CGNL1: variants seen among roughly 807,000 people sequenced by gnomAD.
CGNL1 encodes cingulin like 1.
CGNL1 carries 132 observed loss-of-function variants against 141.2 expected under a neutral mutation model. That is an observed-to-expected ratio of 0.93 (90% CI 0.81 to 1.08). The LOEUF is 1.08. Among genes scored for constraint, CGNL1 ranks in the 50% least tolerant of loss-of-function variants. The probability of loss-of-function intolerance (pLI) is 0.00; values close to 1 mark genes in which losing one functional copy is unlikely to be tolerated. For missense variants in CGNL1, 1,870 were observed against 1,588.6 expected, an observed-to-expected ratio of 1.18 and a Z score of -3.01; for synonymous variants, 690 against 622.1, an observed-to-expected ratio of 1.11 and a Z score of -1.63.
chr15:57,406,247 C>A (rs1175398887), intron 1 of CGNL1, among the ~76,000 whole-genome samples: 1 of 152,140 alleles, frequency 6.6e-6, no homozygotes, highest in Non-Finnish European at 1.5e-5. Flanking sequence ...TCAGGGCTGC[C>A]TGGGGGAAGG....
At chr15:57,529,991 G>T (rs923051197) in intron 13 of CGNL1, among the ~76,000 whole-genome samples, 2 of 152,180 alleles carry the variant, frequency 1.3e-5, no homozygotes, top group East Asian at 3.9e-4. Flanking sequence ...TTTAGGGGAG[G>T]TAATTCTAAG....
chr15:57,429,861 A>G (rs139993220), intron 1 of CGNL1, among the ~76,000 whole-genome samples: 1,638 of 152,228 alleles, frequency 0.011, 18 homozygotes, highest in Middle Eastern at 0.024. Context: ...CCAGGCTGGC[A>G]TGGGGTGGCA....
At chr15:57,525,730 T>C (rs1475731339) in intron 12 of CGNL1, among the ~76,000 whole-genome samples, 1 of 152,138 alleles carries the variant, frequency 6.6e-6, no homozygotes, top group African/African-American at 2.4e-5. Context: ...GAGTCAGTGC[T>C]GAAACTGTGT....
intron 1 of CGNL1, among the ~76,000 whole-genome samples, chr15:57,416,934 A>G (rs1443603738): frequency 1.3e-5 from 2 of 151,620 alleles, no homozygotes; most frequent in Non-Finnish European, 1.5e-5. Context: ...GTATAGCTGA[A>G]CTCTGGAGTC....
intron 14 of CGNL1, among the ~76,000 whole-genome samples, chr15:57,537,256 A>C (rs1458258529): frequency 6.6e-6 from 1 of 152,192 alleles, no homozygotes; most frequent in African/African-American, 2.4e-5. Flanking sequence ...TGGTCTCTCC[A>C]GGGACTGAGC....
intron 2 of CGNL1, 130 bp downstream of exon 2, chr15:57,439,731 C>T: frequency 2.1e-6 from 2 of 946,276 alleles, no homozygotes; most frequent in Non-Finnish European, 3.2e-6. Flanking sequence ...CACAGCTGAT[C>T]TGTTTCAGGA....
intron 1 of CGNL1, among the ~76,000 whole-genome samples, chr15:57,409,046 C>T (rs2062756249): frequency 6.6e-6 from 1 of 150,764 alleles, no homozygotes; most frequent in South Asian, 2.2e-4. Flanking sequence ...GTCACACACA[C>T]ACACACACAC....
At chr15:57,461,529 G>C in intron 7 of CGNL1, 151 bp from the exon 8 acceptor site, 1 of 684,762 alleles carries the variant, frequency 1.5e-6, no homozygotes, top group Non-Finnish European at 2.6e-6. Flanking sequence ...AGGAAGAAAT[G>C]GTCTAAACAG....
At chr15:57,489,107 C>T (rs1763554779) in intron 8 of CGNL1, among the ~76,000 whole-genome samples, 2 of 152,134 alleles carry the variant, frequency 1.3e-5, no homozygotes, top group South Asian at 4.2e-4. Flanking sequence ...ACTAAAGTAT[C>T]CAAAGTTATG....
intron 8 of CGNL1, among the ~76,000 whole-genome samples, chr15:57,498,016 C>T (rs962482665): frequency 6.6e-6 from 1 of 152,096 alleles, no homozygotes; most frequent in Admixed American, 6.6e-5. Flanking sequence ...TCCACAGGTA[C>T]CACACTGTGG....
rs1392234600 is a variant in CGNL1 at position 57,398,024 on chromosome 15, G to A, written c.-16+21457G>A. Among the ~76,000 whole-genome samples the A allele has an allele frequency of 2.6e-5, 4 of 152,002 alleles. No homozygotes were observed. In the East Asian group the frequency reaches 5.8e-4, roughly 22 times the overall value. ...TCTTGAACTCCTGACCTCGAGATGC[G>A]CCTGCCTCAGCTTCCCAAAGTGCTG... On this transcript the variant is annotated intron_variant, in intron 1 of 18. Coordinates refer to ENST00000281282, the MANE Select transcript of CGNL1 (RefSeq NM_032866.5).
chr15:57,442,464 C>T lies in CGNL1; in HGVS notation c.1789C>T (p.Gln597Ter), dbSNP rs2063202177. 1.2e-6 allele frequency: 2 copies of T among 1,608,162 alleles called. No individual in the cohort carries two copies. The highest frequency in any genetic ancestry group is 1.1e-5 in the South Asian group (1 of 90,886). The change falls in exon 4 of 19, where the codon CAA becomes TAA. Residue 597 changes from glutamine to a stop codon, truncating the protein, a stop_gained. Coordinates refer to ENST00000281282, the MANE Select transcript of CGNL1 (RefSeq NM_032866.5). LOFTEE classifies it high-confidence loss of function. ...TLKSRAAGSA[Q>*]GNNQACNSTS... ...AAAGTCTCGAGCAGCTGGGAGCGCCCAAGGAAATAACCAAGTAAATGGAAG... is the reference window on the plus strand; with the variant it reads ...AAAGTCTCGAGCAGCTGGGAGCGCCTAAGGAAATAACCAAGTAAATGGAAG...
intron 12 of CGNL1, 24 bp from the exon 13 acceptor site, chr15:57,528,630 C>A (rs764050025): frequency 1.9e-5 from 31 of 1,612,584 alleles, no homozygotes; most frequent in Non-Finnish European, 9.3e-6. Flanking sequence ...CCCAGAAAAC[C>A]ATCCCAGCTG....
chr15:57,540,853 G>T (rs943040651), intron 14 of CGNL1, among the ~76,000 whole-genome samples: 1 of 152,230 alleles, frequency 6.6e-6, no homozygotes, highest in South Asian at 2.1e-4. Flanking sequence ...CCATCCTATC[G>T]TTCTGAGACT....
At chr15:57,479,490 C>G (rs1320958998) in intron 8 of CGNL1, among the ~76,000 whole-genome samples, 2 of 152,060 alleles carry the variant, frequency 1.3e-5, no homozygotes, top group African/African-American at 2.4e-5. Context: ...ACTGTGAAAC[C>G]CTGTCTCTAC....
chr15:57,500,062 G>A (rs1277170087), intron 8 of CGNL1, among the ~76,000 whole-genome samples: 1 of 152,190 alleles, frequency 6.6e-6, no homozygotes, highest in East Asian at 1.9e-4. Context: ...GAGTTGGGCA[G>A]CCTTGCTTTC....
At chr15:57,519,865 A>C (rs1346577548) in intron 10 of CGNL1, among the ~76,000 whole-genome samples, 1 of 152,188 alleles carries the variant, frequency 6.6e-6, no homozygotes, top group Non-Finnish European at 1.5e-5. Context: ...GTCTCTCAGA[A>C]CCTTTCCTTT....
At chr15:57,430,103 C>T (rs1286632546) in intron 1 of CGNL1, among the ~76,000 whole-genome samples, 1 of 152,194 alleles carries the variant, frequency 6.6e-6, no homozygotes, top group Non-Finnish European at 1.5e-5. Context: ...GAGCCACTGC[C>T]CGGCTGATCT....
intron 1 of CGNL1, among the ~76,000 whole-genome samples, chr15:57,381,374 A>G (rs536770634): frequency 2.6e-5 from 4 of 152,298 alleles, no homozygotes; most frequent in Admixed American, 6.5e-5. Context: ...AGCCTGGACA[A>G]CATGCTGAAA....
Sources: allele counts gnomAD v4.1 joint callset (sites outside exome capture counted in the v4.1 genomes callset), GRCh38; gene constraint gnomAD v4.1.1; transcripts MANE v1.5; gene names NCBI Gene and HGNC (gene_info 2026-07-23, HGNC 2026-07-21).